The following ADGRB3 variants were observed in gnomAD, a reference collection of about 807,000 sequenced individuals.
ADGRB3 encodes the protein brain-specific angiogenesis inhibitor 3.
In ADGRB3, 37 loss-of-function variants were observed where a neutral mutation model predicts 193.4. That is an observed-to-expected ratio of 0.19 (90% confidence interval 0.15 to 0.25). ADGRB3 has a LOEUF of 0.25. ADGRB3 is among the 10% of genes least tolerant of loss of function. The probability of loss-of-function intolerance (pLI) is 1.00; values close to 1 mark genes in which losing one functional copy is unlikely to be tolerated. For synonymous variants in ADGRB3, 690 were observed against 644.2 expected (o/e 1.07, Z -1.08); for missense variants, 1,637 against 1,852.9 (o/e 0.88, Z 2.14).
At chr6:69,284,982 T>G (rs1767517375) in intron 20 of ADGRB3, among the ~76,000 whole-genome samples, 1 of 152,174 alleles carries the variant, frequency 6.6e-6, no homozygotes, top group Non-Finnish European at 1.5e-5. Flanking sequence ...ATACAGCTAT[T>G]CATCAAGAAT....
At chr6:68,884,044 G>A (rs1765824469) in intron 3 of ADGRB3, among the ~76,000 whole-genome samples, 1 of 152,176 alleles carries the variant, frequency 6.6e-6, no homozygotes, top group Admixed American at 6.5e-5. Context: ...AGAATTCAGA[G>A]TGCTTTGTTT....
intron 3 of ADGRB3, among the ~76,000 whole-genome samples, chr6:68,695,653 C>G (rs1765145236): frequency 6.6e-6 from 1 of 151,932 alleles, no homozygotes; most frequent in Non-Finnish European, 1.5e-5. Context: ...TGAGTGATGT[C>G]TGGGTAACTT....
chr6:68,764,355 A>G (rs1766468580), intron 3 of ADGRB3, among the ~76,000 whole-genome samples: 1 of 152,232 alleles, frequency 6.6e-6, no homozygotes, highest in South Asian at 2.1e-4. Context: ...TAAAAAATGA[A>G]GATGAAAAGA....
At chr6:69,125,563 G>A (rs1023070467) in intron 17 of ADGRB3, among the ~76,000 whole-genome samples, 5 of 152,072 alleles carry the variant, frequency 3.3e-5, no homozygotes, top group African/African-American at 1.2e-4. Context: ...GTGGAAGCAG[G>A]CCTCCACAAG....
intron 3 of ADGRB3, among the ~76,000 whole-genome samples, chr6:68,864,210 A>T (rs1301779143): frequency 6.6e-6 from 1 of 152,194 alleles, no homozygotes; most frequent in Non-Finnish European, 1.5e-5. Context: ...TGCCCAGAAT[A>T]TATTTTACTT....
At chr6:68,809,283 G>A (rs781492978) in intron 3 of ADGRB3, among the ~76,000 whole-genome samples, 16 of 152,110 alleles carry the variant, frequency 1.1e-4, no homozygotes, top group Admixed American at 4.6e-4. Context: ...TGTGATGAAG[G>A]TTCAAGTAAT....
chr6:69,350,298 C>T (rs199735487), intron 26 of ADGRB3, among the ~76,000 whole-genome samples: 1 of 146,764 alleles, frequency 6.8e-6, no homozygotes, highest in Non-Finnish European at 1.5e-5. Flanking sequence ...TCTCGCCATT[C>T]TTTTTTTTTT....
intron 20 of ADGRB3, among the ~76,000 whole-genome samples, chr6:69,257,077 T>C (rs921973321): frequency 1.2e-4 from 19 of 152,104 alleles, no homozygotes; most frequent in Non-Finnish European, 2.2e-4. Context: ...TGGATAAGCT[T>C]TTTGATGTGC....
intron 3 of ADGRB3, among the ~76,000 whole-genome samples, chr6:68,862,399 C>T (rs1337606638): frequency 6.6e-6 from 1 of 152,170 alleles, no homozygotes; most frequent in African/African-American, 2.4e-5. Context: ...AGTGTTTCAT[C>T]CTTAATGTTT....
intron 8 of ADGRB3, among the ~76,000 whole-genome samples, chr6:68,971,066 C>T (rs1001850169): frequency 2.6e-5 from 4 of 152,154 alleles, no homozygotes; most frequent in Non-Finnish European, 4.4e-5. Context: ...AAACTGGCTA[C>T]GCCAGCCTAA....
At chr6:68,830,538 T>G (rs1767932826) in intron 3 of ADGRB3, among the ~76,000 whole-genome samples, 1 of 152,150 alleles carries the variant, frequency 6.6e-6, no homozygotes, top group South Asian at 2.1e-4. Flanking sequence ...AGTAAATTCC[T>G]TTTCTGAACT....
intron 17 of ADGRB3, among the ~76,000 whole-genome samples, chr6:69,137,635 A>T (rs912687126): frequency 6.6e-6 from 1 of 152,042 alleles, no homozygotes; most frequent in African/African-American, 2.4e-5. Context: ...CATCTCTACT[A>T]AAAATACAAA....
chr6:69,379,583 G>C (rs898430069), intron 30 of ADGRB3, among the ~76,000 whole-genome samples: 3 of 152,014 alleles, frequency 2.0e-5, no homozygotes, highest in Admixed American at 6.6e-5. Flanking sequence ...AATGTTCACT[G>C]TGAAGCTGGC....
intron 3 of ADGRB3, among the ~76,000 whole-genome samples, chr6:68,875,980 C>T (rs1765584529): frequency 6.6e-6 from 1 of 151,978 alleles, no homozygotes; most frequent in South Asian, 2.1e-4. Flanking sequence ...AAAGCATAAA[C>T]TAGAATGAAT....
chr6:68,858,725 G>T (rs1765064467), intron 3 of ADGRB3, among the ~76,000 whole-genome samples: 1 of 152,076 alleles, frequency 6.6e-6, no homozygotes. Context: ...TGCACCCTCT[G>T]AAGCAATAGC....
chr6:68,721,951 T>C (rs979702705), intron 3 of ADGRB3, among the ~76,000 whole-genome samples: 11 of 151,602 alleles, frequency 7.3e-5, no homozygotes, highest in Non-Finnish European at 4.4e-5. Context: ...CAATAAGTTT[T>C]CATTAATCAT....
intron 3 of ADGRB3, among the ~76,000 whole-genome samples, chr6:68,760,659 C>A (rs548650608): frequency 6.6e-6 from 1 of 152,306 alleles, no homozygotes; most frequent in East Asian, 1.9e-4. Context: ...GGCAAAGAAT[C>A]TGTGAAGTAG....
At chr6:69,115,802 GT>G (rs1390125376) in intron 17 of ADGRB3, among the ~76,000 whole-genome samples, 1 of 152,096 alleles carries the variant, frequency 6.6e-6, no homozygotes, top group African/African-American at 2.4e-5. Context: ...TCCCAAGATG[GT>G]TCCCAGCCAA....
intron 26 of ADGRB3, among the ~76,000 whole-genome samples, chr6:69,350,320 C>T (rs1228920574): frequency 2.7e-5 from 4 of 148,128 alleles, no homozygotes; most frequent in Non-Finnish European, 5.9e-5. Context: ...CATTTTACAA[C>T]ATGCCATTAG....
Sources: allele counts gnomAD v4.1 joint callset (sites outside exome capture counted in the v4.1 genomes callset), GRCh38; gene constraint gnomAD v4.1.1; transcripts MANE v1.5; gene names NCBI Gene and HGNC (gene_info 2026-07-23, HGNC 2026-07-21).